QTMAN: variants seen among roughly 807,000 people sequenced by gnomAD.
QTMAN encodes queuosine-tRNA mannosyltransferase.
the QTMAN span, among the ~76,000 whole-genome samples, chr2:143,991,820 C>T: frequency 1.3e-3 from 197 of 149,462 alleles, no homozygotes; most frequent in Non-Finnish European, 2.7e-4. Flanking sequence ...CCGCCTCGTC[C>T]GGGAGGTGAG....
the QTMAN span, among the ~76,000 whole-genome samples, chr2:144,048,565 G>C: frequency 6.6e-6 from 1 of 152,090 alleles, no homozygotes; most frequent in Admixed American, 6.5e-5. Context: ...CATTTGTAGA[G>C]AGAAAAAATG....
At chr2:144,143,174 A>C in the QTMAN span, among the ~76,000 whole-genome samples, 6 of 151,994 alleles carry the variant, frequency 3.9e-5, no homozygotes, top group African/African-American at 1.4e-4. Flanking sequence ...AGTTGTATTA[A>C]ATGCATTTCA....
chr2:143,982,853 C>CAAAAAAAAAAAAAAAAAAAAAAA, the QTMAN span, among the ~76,000 whole-genome samples: 1 of 61,040 alleles, frequency 1.6e-5, no homozygotes, highest in Non-Finnish European at 3.7e-5. Flanking sequence ...GACTCTGTCT[C>CAAAAAAAAAAAAAAAAAAAAAAA]AAAAAAAAAA....
At chr2:144,146,137 T>A in the QTMAN span, among the ~76,000 whole-genome samples, 1 of 150,440 alleles carries the variant, frequency 6.6e-6, no homozygotes, top group Non-Finnish European at 1.5e-5. Context: ...TCCTTCTTTA[T>A]GCAACCAACT....
the QTMAN span, among the ~76,000 whole-genome samples, chr2:144,086,996 T>A: frequency 6.6e-6 from 1 of 152,138 alleles, no homozygotes; most frequent in Admixed American, 6.6e-5. Context: ...TAATTTGAGA[T>A]CCTATCATTT....
chr2:144,259,593 A>C, the QTMAN span, among the ~76,000 whole-genome samples: 5 of 152,204 alleles, frequency 3.3e-5, no homozygotes, highest in African/African-American at 1.2e-4. Context: ...ATTCAGGAAC[A>C]AATAATCCGC....
chr2:144,005,543 CTA>C, the QTMAN span, among the ~76,000 whole-genome samples: 1 of 152,066 alleles, frequency 6.6e-6, no homozygotes, highest in African/African-American at 2.4e-5. Flanking sequence ...CAATGTTCTA[CTA>C]TATTACCCGT....
chr2:144,277,801 CT>C, the QTMAN span, among the ~76,000 whole-genome samples: 1 of 152,056 alleles, frequency 6.6e-6, no homozygotes, highest in Non-Finnish European at 1.5e-5. Context: ...TGCCCCTTTC[CT>C]TTTTGAAAGC....
the QTMAN span, among the ~76,000 whole-genome samples, chr2:144,106,838 T>C: frequency 3.9e-5 from 6 of 152,318 alleles, no homozygotes; most frequent in East Asian, 3.9e-4. Context: ...TATTCCAAAA[T>C]TGACCACAGA....
the QTMAN span, among the ~76,000 whole-genome samples, chr2:144,159,105 G>A: frequency 6.6e-6 from 1 of 151,976 alleles, no homozygotes. Flanking sequence ...TGCACAAACT[G>A]CAGATCATAA....
At chr2:144,013,427 C>T in the QTMAN span, among the ~76,000 whole-genome samples, 15 of 152,032 alleles carry the variant, frequency 9.9e-5, no homozygotes, top group South Asian at 2.1e-3. Flanking sequence ...GCCAGATGGG[C>T]GGTGGCATAT....
the QTMAN span, among the ~76,000 whole-genome samples, chr2:144,032,899 C>T: frequency 2.0e-5 from 3 of 151,862 alleles, no homozygotes; most frequent in Admixed American, 2.0e-4. Context: ...GGCCACTTAG[C>T]ATTGTGAAAC....
chr2:144,290,811 C>T, the QTMAN span, among the ~76,000 whole-genome samples: 1 of 152,186 alleles, frequency 6.6e-6, no homozygotes, highest in African/African-American at 2.4e-5. Flanking sequence ...TCCTGACCAC[C>T]CTATTTAATA....
At chr2:144,136,023 C>CTGTCAGAA in the QTMAN span, among the ~76,000 whole-genome samples, 1 of 151,960 alleles carries the variant, frequency 6.6e-6, no homozygotes, top group Non-Finnish European at 1.5e-5. Flanking sequence ...AAAGATGACA[C>CTGTCAGAA]TGTCAGAAAG....
chr2:144,010,079 G>GA, the QTMAN span, among the ~76,000 whole-genome samples: 4,033 of 130,436 alleles, frequency 0.031, 177 homozygotes, highest in African/African-American at 0.11. Context: ...AAAAAAAAAA[G>GA]AAAAAAAAAA....
At chr2:144,023,113 G>T in the QTMAN span, among the ~76,000 whole-genome samples, 1 of 152,006 alleles carries the variant, frequency 6.6e-6, no homozygotes, top group Non-Finnish European at 1.5e-5. Flanking sequence ...GCCAGTTTCT[G>T]ACCTGCTAAA....
At chr2:144,145,522 A>T in the QTMAN span, 1 of 1,395,840 alleles carries the variant, frequency 7.2e-7, no homozygotes, top group Non-Finnish European at 9.9e-7. Flanking sequence ...AACCACCTAC[A>T]AAGAAAAAGG....
At chr2:144,256,642 T>C in the QTMAN span, among the ~76,000 whole-genome samples, 2 of 150,952 alleles carry the variant, frequency 1.3e-5, no homozygotes, top group East Asian at 1.9e-4. Context: ...TTAGTGGGAG[T>C]TGAACAAAAA....
the QTMAN span, among the ~76,000 whole-genome samples, chr2:144,122,980 G>A: frequency 1.3e-5 from 2 of 151,976 alleles, no homozygotes; most frequent in Admixed American, 6.6e-5. Flanking sequence ...ATACACACAC[G>A]CACCCCTCTT....
Sources: gnomAD v4.1 joint callset for allele counts (sites outside exome capture counted in the v4.1 genomes callset) on GRCh38, gnomAD v4.1.1 for gene constraint, MANE v1.5 for transcripts, NCBI Gene and HGNC (gene_info 2026-07-23, HGNC 2026-07-21) for gene names.